Variants in FBXL20 observed in about 807,000 individuals in gnomAD.
The protein encoded by FBXL20 is F-box/LRR-repeat protein 20.
FBXL20 carries 11 observed loss-of-function variants against 64.0 expected under a neutral mutation model. That is an observed-to-expected ratio of 0.17 (90% CI 0.11 to 0.28). The LOEUF (loss-of-function observed/expected upper bound fraction) is 0.28. Ranked by LOEUF, FBXL20 falls within the 10% of genes least tolerant of loss-of-function variation. The pLI, the probability that FBXL20 is intolerant of heterozygous loss-of-function variation, is 1.00. For synonymous variants in FBXL20, 184 were observed against 189.0 expected, an observed-to-expected ratio of 0.97 and a Z score of 0.22; for missense variants, 303 against 526.2, an observed-to-expected ratio of 0.58 and a Z score of 4.15.
intron 1 of FBXL20, among the ~76,000 whole-genome samples, chr17:39,387,857 CGTGA>C (rs2048097700): frequency 6.6e-6 from 1 of 152,064 alleles, no homozygotes; most frequent in South Asian, 2.1e-4. Flanking sequence ...GGGTTACAGG[CGTGA>C]GTGACCGCAC....
chr17:39,267,619 G>C (rs1226299947), intron 12 of FBXL20, among the ~76,000 whole-genome samples: 2 of 152,216 alleles, frequency 1.3e-5, no homozygotes, highest in African/African-American at 2.4e-5. Context: ...TGGAATCTGG[G>C]TTAACCAAGA....
intron 1 of FBXL20, among the ~76,000 whole-genome samples, chr17:39,384,519 A>G (rs9899069): frequency 0.21 from 32,502 of 151,434 alleles, 3,994 homozygotes; most frequent in African/African-American, 0.33. Context: ...GCAAGAGTCC[A>G]TCTCAAAATA....
rs2046877835 is a variant in FBXL20, at chr17:39,275,062, C to A, written c.735G>T (p.Gly245=). The change falls in exon 10 of 15, where the codon GGG becomes GGT. Residue 245 remains glycine, a synonymous_variant. Coordinates refer to ENST00000264658, the MANE Select transcript of FBXL20 (RefSeq NM_032875.3). ...CACAAAGGGATTGTAACTTATGGCA[C>A]CCTCTGCATATAGTAATGAGACCTT... The part of the protein sequence containing the change: ...TDEGLITICR[G]CHKLQSLCAS... The A allele has an allele frequency of 1.2e-6, 2 of 1,613,732 alleles. No homozygotes were observed. Among genetic ancestry groups the A allele is most frequent in the Admixed American group, 1.7e-5 (1 of 59,942 alleles).
chr17:39,402,296 GCCTCCC>G, upstream of FBXL20: 1 of 898,226 alleles, frequency 1.1e-6, no homozygotes, highest in African/African-American at 1.7e-5. Flanking sequence ...CGCCGCCGCC[GCCTCCC>G]CCGCCTCCCC....
intron 12 of FBXL20, 129 bp downstream of exon 12, chr17:39,268,698 A>G (rs1281611331): frequency 4.3e-6 from 3 of 697,232 alleles, no homozygotes; most frequent in Admixed American, 2.7e-5. Flanking sequence ...ACCTTACTTA[A>G]TGGGGAATCT....
rs1372531768 is a variant in FBXL20 at position 39,285,516 on chromosome 17, G to C, written c.456C>G (p.Ser152=). The change falls in exon 7 of 15, where the codon TCC becomes TCG. Residue 152 remains serine (S), a synonymous_variant. Coordinates refer to ENST00000264658, the MANE Select transcript of FBXL20 (RefSeq NM_032875.3). ...CSKLRHLDLA[S]CTSITNMSLK... is the part of the protein sequence containing the mutation. ...GAGACATGTTTGTTATTGATGTACA[G>C]GAAGCCAAGTCAAGGTGCCTGAGTT... is the stretch of plus-strand genomic sequence containing the variant. 6.2e-7 allele frequency: 1 copy of C among 1,603,482 alleles called. No individual in the cohort carries two copies. The highest frequency in any genetic ancestry group is 2.2e-5 in the East Asian group (1 of 44,526).
At chr17:39,351,162 C>T (rs900808893) in intron 1 of FBXL20, among the ~76,000 whole-genome samples, 7 of 151,852 alleles carry the variant, frequency 4.6e-5, no homozygotes, top group African/African-American at 1.2e-4. Context: ...TGGTGAAACC[C>T]CATCTCTACT....
intron 2 of FBXL20, 30 bp downstream of exon 2, chr17:39,343,150 A>G (rs1156902388): frequency 6.5e-7 from 1 of 1,546,666 alleles, no homozygotes; most frequent in South Asian, 1.2e-5. Context: ...TACACATAAA[A>G]AAACCCATAA....
chr17:39,353,555 G>A (rs540345297), intron 1 of FBXL20, among the ~76,000 whole-genome samples: 1 of 151,870 alleles, frequency 6.6e-6, no homozygotes, highest in Non-Finnish European at 1.5e-5. Context: ...CTTCCACCAG[G>A]GGTCTTGGAA....
At chr17:39,276,170 C>G (rs1490111240) in intron 9 of FBXL20, among the ~76,000 whole-genome samples, 1 of 143,302 alleles carries the variant, frequency 7.0e-6, no homozygotes, top group Non-Finnish European at 1.5e-5. Context: ...TCGCTTAACC[C>G]CAGGAGGAGA....
chr17:39,329,703 C>CA (rs1422958247), intron 2 of FBXL20, among the ~76,000 whole-genome samples: 2 of 151,862 alleles, frequency 1.3e-5, no homozygotes, highest in Non-Finnish European at 2.9e-5. Context: ...AGAAAAAAAA[C>CA]AGAGGGAAAA....
chr17:39,401,104 G>A (rs944110568), intron 1 of FBXL20, among the ~76,000 whole-genome samples: 6 of 152,332 alleles, frequency 3.9e-5, no homozygotes, highest in African/African-American at 9.6e-5. Context: ...GGAGGAGGGT[G>A]GAATTAGGGC....
intron 11 of FBXL20, among the ~76,000 whole-genome samples, chr17:39,269,262 C>T (rs1196540222): frequency 1.3e-5 from 2 of 151,960 alleles, no homozygotes; most frequent in African/African-American, 2.4e-5. Context: ...GGCATGATCT[C>T]GGCTCACGGC....
intron 1 of FBXL20, among the ~76,000 whole-genome samples, chr17:39,376,708 C>A (rs1037542827): frequency 6.6e-6 from 1 of 152,188 alleles, no homozygotes. Context: ...TAGCTGACCA[C>A]TAAGCTAATG....
At chr17:39,283,907 A>T (rs1218860007) in intron 7 of FBXL20, among the ~76,000 whole-genome samples, 1 of 135,434 alleles carries the variant, frequency 7.4e-6, no homozygotes, top group Non-Finnish European at 1.5e-5. Context: ...GATCCAGAAG[A>T]TAAAGCCATG....
chr17:39,397,847 A>G (rs2048198551), intron 1 of FBXL20, among the ~76,000 whole-genome samples: 1 of 149,892 alleles, frequency 6.7e-6, no homozygotes, highest in African/African-American at 2.5e-5. Flanking sequence ...GCAGGATGAC[A>G]GTGGAGTCAA....
chr17:39,363,810 C>CAAAAAAAAAAAAACAAAAAA (rs1567896911), intron 1 of FBXL20, among the ~76,000 whole-genome samples: 2 of 26,662 alleles, frequency 7.5e-5, no homozygotes, highest in African/African-American at 2.4e-4. Flanking sequence ...GACTTTATCT[C>CAAAAAAAAAAAAACAAAAAA]AAAAAAAAAA....
At chr17:39,269,499 CTTTT>C (rs1024012415) in intron 11 of FBXL20, among the ~76,000 whole-genome samples, 4 of 116,730 alleles carry the variant, frequency 3.4e-5, no homozygotes, top group Non-Finnish European at 5.4e-5. Context: ...GGCCTTTCCT[CTTTT>C]TTTTTTTTTT....
chr17:39,352,057 G>A (rs753225510), intron 1 of FBXL20, among the ~76,000 whole-genome samples: 1 of 152,140 alleles, frequency 6.6e-6, no homozygotes, highest in African/African-American at 2.4e-5. Flanking sequence ...GCGCGTGCAC[G>A]CTATTACTTT....
Sources: gnomAD v4.1 joint callset for allele counts (sites outside exome capture counted in the v4.1 genomes callset) on GRCh38, gnomAD v4.1.1 for gene constraint, MANE v1.5 for transcripts, NCBI Gene and HGNC (gene_info 2026-07-23, HGNC 2026-07-21) for gene names.